Variants in CDON observed in about 807,000 individuals in gnomAD.
CDON encodes cell adhesion associated, oncogene regulated, also known as cell adhesion molecule-related/down-regulated by oncogenes.
CDON carries 73 observed loss-of-function variants against 120.9 expected under a neutral mutation model. The ratio of observed to expected loss-of-function variants is 0.60; its 90% confidence interval spans 0.50 to 0.73. The LOEUF (loss-of-function observed/expected upper bound fraction) is 0.73. Ranked by LOEUF, CDON falls within the 30% of genes least tolerant of loss-of-function variation. The pLI, the probability that CDON is intolerant of heterozygous loss-of-function variation, is 0.00. For missense variants in CDON, 1,470 were observed against 1,587.3 expected (o/e 0.93, Z 1.26); for synonymous variants, 566 against 573.5 (o/e 0.99, Z 0.19).
intron 4 of CDON, 131 bp from the exon 5 acceptor site, chr11:126,018,604 T>C (rs532148959): frequency 2.1e-5 from 17 of 801,948 alleles, no homozygotes; most frequent in African/African-American, 1.0e-4. Context: ...GGTCTCATTC[T>C]GTCACCCAGG....
intron 1 of CDON, among the ~76,000 whole-genome samples, chr11:126,043,426 C>T (rs973079154): frequency 1.3e-5 from 2 of 152,152 alleles, no homozygotes; most frequent in African/African-American, 2.4e-5. Context: ...TCCCTACTTT[C>T]GTTCTTTTGT....
At chr11:126,040,935 A>G (rs1206568887) in intron 1 of CDON, among the ~76,000 whole-genome samples, 1 of 151,264 alleles carries the variant, frequency 6.6e-6, no homozygotes, top group Non-Finnish European at 1.5e-5. Context: ...TCACGCCTGT[A>G]ATCCCAGCAC....
At chr11:126,049,490 G>A (rs73021233) in intron 1 of CDON, among the ~76,000 whole-genome samples, 28,471 of 152,138 alleles carry the variant, frequency 0.19, 2,888 homozygotes, top group East Asian at 0.28. Flanking sequence ...AGAGGAGGAG[G>A]AACATCTATT....
Position 126,010,329 on chromosome 11 carries a change from A to T in CDON, c.1552+12T>A. On this transcript the variant is annotated intron_variant, in intron 8 of 19. Transcript: ENST00000531738. ...ATTACTCAACTAAAAATAAATAATA[A>T]TGGCAACTCACCAACCATGAGAGAT... 1 of 1,542,996 alleles carries T rather than the reference A, an allele frequency of 6.5e-7. No individual in the cohort carries two copies. Among genetic ancestry groups the T allele is most frequent in the East Asian group, 2.3e-5 (1 of 43,222 alleles).
intron 1 of CDON, among the ~76,000 whole-genome samples, chr11:126,024,360 C>T (rs1191963069): frequency 6.6e-6 from 1 of 152,168 alleles, no homozygotes; most frequent in East Asian, 1.9e-4. Flanking sequence ...ACCCCGGAGA[C>T]AGATGAGGAC....
At position 126,033,485 on chromosome 11, in the gene CDON, A is replaced by G. The variant is rs535714446; in HGVS notation, c.-61-9948T>C. On this transcript the variant is annotated intron_variant, in intron 1 of 19. Coordinates refer to ENST00000531738, the MANE Select transcript of CDON (RefSeq NM_001378964.1). ...CTCCTCATTCAAAATAAACCACACTATCAATACTACTAATGAAAAAGTTTT... is the reference window on the plus strand; with the variant it reads ...CTCCTCATTCAAAATAAACCACACTGTCAATACTACTAATGAAAAAGTTTT... 1.1e-3 allele frequency among the ~76,000 whole-genome samples: 160 copies of G among 152,336 alleles called. 1 individual carries two copies. The highest frequency in any genetic ancestry group is 3.6e-3 in the African/African-American group (151 of 41,570).
Position 125,978,346 on chromosome 11 carries a change from G to T in CDON, c.3314C>A (p.Pro1105His), listed in dbSNP as rs555336512. ...ATTTCGGCAGTTAACACACTCCAGA[G>T]GGTCAATCTGAGGCACGGCCGTGTA... ...GMYTAVPQID[P>H]LECVNCRNCR... Residue 1105 changes from proline to histidine, a missense_variant, in exon 18 of 20, where the codon CCT becomes CAT. By Grantham distance (77) the Pro-to-His change is moderately conservative. Coordinates refer to ENST00000531738, the MANE Select transcript of CDON (RefSeq NM_001378964.1). 1 of 1,609,906 alleles carries T rather than the reference G, an allele frequency of 6.2e-7. No individual in the cohort carries two copies. The highest frequency in any genetic ancestry group is 1.1e-5 in the South Asian group (1 of 90,048).
chr11:126,062,968 AGGGACCGGGGAATGACTGACGGAGGC>A (rs1948842644), upstream of CDON, among the ~76,000 whole-genome samples: 2 of 151,276 alleles, frequency 1.3e-5, no homozygotes, highest in South Asian at 4.2e-4. Context: ...CAGCGGGAGG[AGGGACCGGGGAATGACTGACGGAGGC>A]GGGCCGTAGA....
In CDON at chr11:126,062,804, C is replaced by T. The variant is rs1245566923; in HGVS notation, c.-287G>A. 6.6e-6 allele frequency: 1 copy of T among 151,776 alleles called. No individual in the cohort carries two copies. Among genetic ancestry groups the T allele is most frequent in the Non-Finnish European group, 1.5e-5 (1 of 67,962 alleles). 9.4% of individuals were successfully genotyped at this position (151,776 alleles called of 1,614,324 possible). A position where few individuals can be genotyped will look rare whatever the true frequency, so the allele number is the denominator to read the frequency against. Reference sequence around the variant, plus strand: ...GGGCGGGCGTGGGGTCCCGGGTCTCCTCGCACCTAGCCGCGCGAGCCGGGC... The same window carrying T: ...GGGCGGGCGTGGGGTCCCGGGTCTCTTCGCACCTAGCCGCGCGAGCCGGGC... On this transcript the variant is annotated 5_prime_UTR_variant, in exon 1 of 20. Transcript: ENST00000531738.
chr11:126,036,643 G>C (rs1591414307), intron 1 of CDON, among the ~76,000 whole-genome samples: 1 of 152,222 alleles, frequency 6.6e-6, no homozygotes, highest in South Asian at 2.1e-4. Context: ...TGCACAACAT[G>C]AGGGTTTCTT....
intron 18 of CDON, among the ~76,000 whole-genome samples, chr11:125,969,204 G>A (rs1379473481): frequency 1.3e-5 from 2 of 152,178 alleles, no homozygotes; most frequent in Admixed American, 6.5e-5. Flanking sequence ...CTCCATGTTG[G>A]TCAGGCTGGT....
At chr11:125,986,517 G>C (rs1946465862) in intron 15 of CDON, among the ~76,000 whole-genome samples, 1 of 152,172 alleles carries the variant, frequency 6.6e-6, no homozygotes, top group Non-Finnish European at 1.5e-5. Context: ...TGTAGTCCCA[G>C]CACTTTGGGA....
intron 7 of CDON, chr11:126,010,905 G>A (rs988579769): frequency 1.1e-5 from 7 of 621,602 alleles, no homozygotes; most frequent in Admixed American, 6.3e-5. Context: ...CATTTCCTAC[G>A]TAAATTTCCT....
intron 1 of CDON, among the ~76,000 whole-genome samples, chr11:126,061,712 G>A (rs1948801278): frequency 6.6e-6 from 1 of 152,206 alleles, no homozygotes; most frequent in African/African-American, 2.4e-5. Flanking sequence ...TGTTTTTCAA[G>A]GTGTCTGGTT....
chr11:126,002,617 G>A (rs1480491573), intron 10 of CDON, among the ~76,000 whole-genome samples: 1 of 152,190 alleles, frequency 6.6e-6, no homozygotes, highest in African/African-American at 2.4e-5. Flanking sequence ...CCGCCCTGCA[G>A]AAAGAATATC....
chr11:126,002,228 T>C (rs1380368944), intron 10 of CDON, among the ~76,000 whole-genome samples: 1 of 152,226 alleles, frequency 6.6e-6, no homozygotes, highest in East Asian at 1.9e-4. Flanking sequence ...CTAAGTTTTC[T>C]AAGGAAAAGC....
At chr11:126,004,705 T>C (rs1332479777) in intron 9 of CDON, among the ~76,000 whole-genome samples, 1 of 152,188 alleles carries the variant, frequency 6.6e-6, no homozygotes, top group Non-Finnish European at 1.5e-5. Context: ...AGGTTGGAAA[T>C]AGTACATAAA....
intron 1 of CDON, among the ~76,000 whole-genome samples, chr11:126,060,615 T>G (rs889332378): frequency 6.6e-6 from 1 of 151,738 alleles, no homozygotes; most frequent in South Asian, 2.1e-4. Flanking sequence ...GACAAAACCA[T>G]ACATGAAATT....
chr11:126,062,999 C>G (rs1018346966), upstream of CDON, among the ~76,000 whole-genome samples: 12 of 151,698 alleles, frequency 7.9e-5, no homozygotes, highest in African/African-American at 2.9e-4. Context: ...GGAGGCGGGC[C>G]GTAGAGGCCG....
Sources: allele counts gnomAD v4.1 joint callset (sites outside exome capture counted in the v4.1 genomes callset), GRCh38; gene constraint gnomAD v4.1.1; transcripts MANE v1.5; gene names NCBI Gene and HGNC (gene_info 2026-07-23, HGNC 2026-07-21).